The following GOT2 variants were observed in gnomAD, a reference collection of about 807,000 sequenced individuals.
GOT2 encodes aspartate aminotransferase, mitochondrial.
GOT2 carries 17 observed loss-of-function variants against 50.0 expected under a neutral mutation model. The ratio of observed to expected loss-of-function variants is 0.34; its 90% CI spans 0.23 to 0.51. The LOEUF (loss-of-function observed/expected upper bound fraction) is 0.51. Ranked by LOEUF, GOT2 falls within the 20% of genes least tolerant of loss-of-function variation. The probability of loss-of-function intolerance (pLI) is 0.97; values close to 1 mark genes in which losing one functional copy is unlikely to be tolerated. For missense variants in GOT2, 430 were observed against 559.6 expected, an observed-to-expected ratio of 0.77 and a Z score of 2.34; for synonymous variants, 172 against 204.9, an observed-to-expected ratio of 0.84 and a Z score of 1.37.
At chr16:58,732,880 T>C (rs1169129551) in intron 1 of GOT2, among the ~76,000 whole-genome samples, 1 of 152,260 alleles carries the variant, frequency 6.6e-6, no homozygotes, top group Non-Finnish European at 1.5e-5. Flanking sequence ...CTCCTGGCTC[T>C]GGCCCACTAG....
intron 6 of GOT2, among the ~76,000 whole-genome samples, chr16:58,717,629 T>TG (rs2152095010): frequency 6.6e-6 from 1 of 152,314 alleles, no homozygotes. Context: ...GCAGACATCC[T>TG]GGGGCCAGTG....
At chr16:58,731,851 G>T (rs985645872) in intron 1 of GOT2, among the ~76,000 whole-genome samples, 1 of 152,192 alleles carries the variant, frequency 6.6e-6, no homozygotes, top group Admixed American at 6.5e-5. Flanking sequence ...TTCAGTTTAA[G>T]TATTTTCCAC....
intron 6 of GOT2, 70 bp from the exon 7 acceptor site, chr16:58,716,883 G>T: frequency 6.9e-7 from 1 of 1,449,800 alleles, no homozygotes; most frequent in Non-Finnish European, 9.6e-7. Context: ...ATAAAAGTCT[G>T]AAAGATGTTT....
At position 58,716,078 on chromosome 16, in the gene GOT2, G is replaced by T. The variant is rs1311647559; in HGVS notation, c.955C>A (p.Pro319Thr). 1 of 1,613,742 alleles carries T rather than the reference G, an allele frequency of 6.2e-7. No individual in the cohort carries two copies. Among genetic ancestry groups the T allele is most frequent in the South Asian group, 1.1e-5 (1 of 91,036 alleles). Residue 319 changes from proline (P) to threonine (T), a missense_variant, in exon 8 of 10, where the codon CCT (proline) becomes ACT (threonine). By Grantham distance (38) the Pro-to-Thr change is conservative (BLOSUM62 -1). Coordinates refer to ENST00000245206, the MANE Select transcript of GOT2 (RefSeq NM_002080.4). ...GCAATCCGGGCCCCATTGAGGGGAG[G>T]GTTGGAATACATGGGACGGATCAAG... is the stretch of plus-strand genomic sequence containing the variant. Reference protein sequence around the residue: ...KILIRPMYSNPPLNGARIAAA... With the variant: ...KILIRPMYSNTPLNGARIAAA...
At chr16:58,732,498 A>G (rs888689627) in intron 1 of GOT2, among the ~76,000 whole-genome samples, 1 of 152,152 alleles carries the variant, frequency 6.6e-6, no homozygotes, top group African/African-American at 2.4e-5. Context: ...GTCATACTGT[A>G]TTTGTTTCCG....
At chr16:58,719,493 C>T (rs867731764) in intron 3 of GOT2, among the ~76,000 whole-genome samples, 19 of 152,310 alleles carry the variant, frequency 1.2e-4, no homozygotes, top group Non-Finnish European at 2.4e-4. Flanking sequence ...TGCGGTGGCT[C>T]ATGCCTGTAA....
rs375005845 is a variant in GOT2, at chr16:58,716,059, C to T, written c.974G>A (p.Arg325Gln). Residue 325 changes from arginine (R) to glutamine (Q), a missense_variant, in exon 8 of 10, where the codon CGG (arginine) becomes CAG (glutamine). Coordinates refer to ENST00000245206, the MANE Select transcript of GOT2 (RefSeq NM_002080.4). Reference sequence around the variant, plus strand: ...GGTGTTCAGAATGGCAGCAGCAATCCGGGCCCCATTGAGGGGAGGGTTGGA... The same window carrying T: ...GGTGTTCAGAATGGCAGCAGCAATCTGGGCCCCATTGAGGGGAGGGTTGGA... ...MYSNPPLNGA[R>Q]IAAAILNTPD... 28 of 1,613,490 alleles carry T rather than the reference C, an allele frequency of 1.7e-5. No homozygotes were observed. The highest frequency in any genetic ancestry group is 9.4e-5 in the African/African-American group (7 of 74,834).
At chr16:58,730,503 G>C (rs2044826612) in intron 1 of GOT2, among the ~76,000 whole-genome samples, 1 of 151,978 alleles carries the variant, frequency 6.6e-6, no homozygotes. Context: ...TCCCCGAGTA[G>C]CTGGGACTAT....
At position 58,709,466 on chromosome 16, in the gene GOT2, A is replaced by T. The variant is rs1262033704; in HGVS notation, c.1121T>A (p.Ile374Asn). The change falls in exon 9 of 10, where the codon ATC becomes AAC. Residue 374 changes from isoleucine to asparagine, a missense_variant. Coordinates refer to ENST00000245206, the MANE Select transcript of GOT2 (RefSeq NM_002080.4). ...ACAGAACATGCCAATTTGGTCGGTG[A>T]TGTGTTGCCAATTGTGGGTGGAACC... ...KEGSTHNWQH[I>N]TDQIGMFCFT... 6.2e-7 allele frequency: 1 copy of T among 1,614,006 alleles called. No homozygotes were observed.
chr16:58,716,752 T>C lies in GOT2; in HGVS notation c.764A>G (p.Asp255Gly). The C allele has an allele frequency of 6.2e-7, 1 of 1,614,034 alleles. No homozygotes were observed. Among genetic ancestry groups the C allele is most frequent in the Non-Finnish European group, 8.5e-7 (1 of 1,179,854 alleles). The stretch of plus-strand genomic sequence containing the variant: ...GTGGCGCACAGCCCAGGCATCCTTA[T>C]CACCATCACCACTGGCAAAGCCTTG... ...AYQGFASGDGDKDAWAVRHFI... is the reference protein window; with the variant it reads ...AYQGFASGDGGKDAWAVRHFI... The change falls in exon 7 of 10, where the codon GAT becomes GGT. Residue 255 changes from aspartate (D) to glycine (G), a missense_variant. Transcript: ENST00000245206.
intron 2 of GOT2, 99 bp from the exon 3 acceptor site, chr16:58,722,377 T>A (rs1338739148): frequency 2.4e-6 from 3 of 1,267,698 alleles, no homozygotes; most frequent in Non-Finnish European, 3.3e-6. Flanking sequence ...GGAGGTAAAG[T>A]CTTTTTTTTT....
intron 5 of GOT2, 31 bp from the exon 6 acceptor site, chr16:58,718,331 T>C (rs1316677889): frequency 1.3e-6 from 2 of 1,556,024 alleles, no homozygotes; most frequent in African/African-American, 1.4e-5. Flanking sequence ...GAGACGACTT[T>C]GCAGCTTTAA....
At chr16:58,722,329 A>G (rs1253897599) in intron 2 of GOT2, 51 bp from the exon 3 acceptor site, 1 of 1,554,480 alleles carries the variant, frequency 6.4e-7, no homozygotes, top group South Asian at 1.1e-5. Context: ...ACTTGGAATT[A>G]CTATGATTAA....
At chr16:58,713,090 ACT>A (rs1200838840) in intron 8 of GOT2, among the ~76,000 whole-genome samples, 1 of 152,168 alleles carries the variant, frequency 6.6e-6, no homozygotes, top group African/African-American at 2.4e-5. Context: ...CAAGAGCAAA[ACT>A]CTGTCTCAAA....
At chr16:58,726,238 T>G (rs1193185264) in intron 1 of GOT2, among the ~76,000 whole-genome samples, 1 of 152,204 alleles carries the variant, frequency 6.6e-6, no homozygotes, top group African/African-American at 2.4e-5. Flanking sequence ...CAGGCTGGAA[T>G]GCAATGGTGC....
At chr16:58,709,305 AAAC>A in intron 9 of GOT2, 109 bp downstream of exon 9, 4 of 976,080 alleles carry the variant, frequency 4.1e-6, no homozygotes, top group Non-Finnish European at 5.9e-6. Context: ...AAACAAAACA[AAAC>A]AAAAAACCCG....
chr16:58,709,949 A>G (rs1025262451), intron 8 of GOT2, among the ~76,000 whole-genome samples: 2 of 152,256 alleles, frequency 1.3e-5, no homozygotes, highest in Admixed American at 1.3e-4. Flanking sequence ...GCACTCTGTT[A>G]TAAAATGGCT....
In GOT2 at chr16:58,718,271, CAGA is replaced by C. The variant is rs1473654961; in HGVS notation, c.624_626del (p.Leu209del). 3.1e-6 allele frequency: 5 copies of C among 1,614,004 alleles called. No individual in the cohort carries two copies. Among genetic ancestry groups the C allele is most frequent in the Non-Finnish European group, 4.2e-6 (5 of 1,179,856 alleles). ...CCGTGGGATTGTGGGCGCAGGCATG[CAGA>C]AGAAGAACACTCTGCTCTGGTATTT... On this transcript the variant is annotated inframe_deletion, in exon 6 of 10. Transcript: ENST00000245206.
chr16:58,726,030 T>C (rs1396371871), intron 1 of GOT2, among the ~76,000 whole-genome samples: 3 of 152,196 alleles, frequency 2.0e-5, no homozygotes, highest in African/African-American at 7.2e-5. Flanking sequence ...CAGCTTGTTA[T>C]ACTTTTTGAT....
Sources: allele counts gnomAD v4.1 joint callset (sites outside exome capture counted in the v4.1 genomes callset), GRCh38; gene constraint gnomAD v4.1.1; transcripts MANE v1.5; gene names NCBI Gene and HGNC (gene_info 2026-07-23, HGNC 2026-07-21).